MTOR: variants seen among roughly 807,000 people sequenced by gnomAD.
MTOR encodes the protein serine/threonine-protein kinase mTOR.
In MTOR, 70 loss-of-function variants were observed where a neutral mutation model predicts 319.8. The observed-to-expected ratio is 0.22, with a 90% CI of 0.18 to 0.27. MTOR has a LOEUF of 0.27. Among genes scored for constraint, MTOR ranks in the 10% least tolerant of loss-of-function variants. The probability of loss-of-function intolerance (pLI) is 1.00; values close to 1 mark genes in which losing one functional copy is unlikely to be tolerated. For synonymous variants in MTOR, 1,183 were observed against 1,211.4 expected (o/e 0.98, Z 0.49); for missense variants, 1,890 against 3,274.4 (o/e 0.58, Z 10.32).
chr1:11,118,228 A>ATTTTTTTTTTTTTTTTTTTTTTTT (rs771785403), intron 49 of MTOR, among the ~76,000 whole-genome samples: 2 of 120,766 alleles, frequency 1.7e-5, no homozygotes, highest in African/African-American at 8.0e-5. Context: ...AACTTAGTTA[A>ATTTTTTTTTTTTTTTTTTTTTTTT]TTTTTTTTTT....
chr1:11,174,571 C>T (rs557526921), intron 28 of MTOR, among the ~76,000 whole-genome samples: 4 of 152,164 alleles, frequency 2.6e-5, no homozygotes, highest in African/African-American at 9.7e-5. Flanking sequence ...CAGGAGTTCA[C>T]AGCCACTAAG....
At chr1:11,171,624 G>A (rs982266608) in intron 28 of MTOR, among the ~76,000 whole-genome samples, 4 of 152,084 alleles carry the variant, frequency 2.6e-5, no homozygotes, top group East Asian at 1.9e-4. Flanking sequence ...TAGGGACCTC[G>A]AAAGAGAAAC....
intron 30 of MTOR, among the ~76,000 whole-genome samples, chr1:11,153,270 G>A (rs969267872): frequency 1.3e-5 from 2 of 152,108 alleles, no homozygotes; most frequent in Admixed American, 1.3e-4. Context: ...AGAAGAAGAG[G>A]GCAATTCAAA....
At chr1:11,225,716 C>T (rs114797800) in intron 19 of MTOR, among the ~76,000 whole-genome samples, 85 of 152,274 alleles carry the variant, frequency 5.6e-4, no homozygotes, top group African/African-American at 1.9e-3. Flanking sequence ...GCCACCGCAC[C>T]TGGCCGATAG....
At chr1:11,183,831 T>C (rs1013091027) in intron 28 of MTOR, among the ~76,000 whole-genome samples, 9 of 152,248 alleles carry the variant, frequency 5.9e-5, no homozygotes, top group Middle Eastern at 3.4e-3. Context: ...AAAAAAAAAT[T>C]TTCTTCCCCC....
At chr1:11,123,529 C>T (rs1642655220) in intron 47 of MTOR, among the ~76,000 whole-genome samples, 1 of 151,046 alleles carries the variant, frequency 6.6e-6, no homozygotes, top group Admixed American at 6.6e-5. Context: ...AGTGTAGAGG[C>T]ACAACCTTGT....
chr1:11,252,455 T>C (rs767022320), intron 6 of MTOR, among the ~76,000 whole-genome samples: 2 of 152,066 alleles, frequency 1.3e-5, no homozygotes, highest in African/African-American at 4.8e-5. Flanking sequence ...TTGTGAACCA[T>C]GACTAGTTGA....
Position 11,234,271 on chromosome 1 carries a change from G to A in MTOR, c.2209-6C>T, listed in dbSNP as rs2100881998. On this transcript the variant is annotated splice_polypyrimidine_tract_variant and splice_region_variant and intron_variant, in intron 13 of 57. Transcript: ENST00000361445. ...TGCTCCAACTCTGTCAAAATCTGTA[G>A]GGAAGAAAGGCTCATATGTTCTCTA... is the stretch of plus-strand genomic sequence containing the variant. The A allele has an allele frequency of 6.2e-7, 1 of 1,609,116 alleles. No individual in the cohort carries two copies. The highest frequency in any genetic ancestry group is 1.1e-5 in the South Asian group (1 of 90,490).
intron 6 of MTOR, among the ~76,000 whole-genome samples, chr1:11,249,561 T>C (rs1475895530): frequency 4.1e-5 from 6 of 145,430 alleles, no homozygotes; most frequent in Admixed American, 1.4e-4. Flanking sequence ...CAGAGGACCC[T>C]GCGGCCTTCC....
At chr1:11,230,141 C>T (rs2100862688) in intron 18 of MTOR, among the ~76,000 whole-genome samples, 2 of 151,618 alleles carry the variant, frequency 1.3e-5, no homozygotes, top group South Asian at 4.2e-4. Context: ...AAAAAGGCGT[C>T]CAGGCACAGT....
chr1:11,233,765 T>G (rs1226593068), intron 14 of MTOR, among the ~76,000 whole-genome samples: 1 of 152,256 alleles, frequency 6.6e-6, no homozygotes, highest in Admixed American at 6.5e-5. Flanking sequence ...CAGATTAACA[T>G]ACATTATAAA....
At chr1:11,256,552 C>T (rs1650425767) in intron 4 of MTOR, among the ~76,000 whole-genome samples, 5 of 152,092 alleles carry the variant, frequency 3.3e-5, no homozygotes, top group Admixed American at 3.3e-4. Flanking sequence ...AATGTTTAAT[C>T]CTGTTGTTAT....
Position 11,121,704 on chromosome 1 carries a change from T to A in MTOR, c.6810+275A>T, listed in dbSNP as rs1461285843. Among the ~76,000 whole-genome samples the A allele has an allele frequency of 6.6e-6, 1 of 152,350 alleles. No individual in the cohort carries two copies. Among genetic ancestry groups the A allele is most frequent in the African/African-American group, 2.4e-5 (1 of 41,590 alleles). ...ATCTACTAAACATTATTTCTCCATATGGCCAGTGCTTTGTATACATTAGTA... is the reference window on the plus strand; with the variant it reads ...ATCTACTAAACATTATTTCTCCATAAGGCCAGTGCTTTGTATACATTAGTA... On this transcript the variant is annotated intron_variant, in intron 48 of 57. Coordinates refer to ENST00000361445, the MANE Select transcript of MTOR (RefSeq NM_004958.4). The surrounding 1 kb of genome is among the most constrained non-coding windows in gnomAD (Gnocchi z 4.9).
chr1:11,217,904 C>G (rs1354580726), intron 19 of MTOR, among the ~76,000 whole-genome samples: 2 of 152,032 alleles, frequency 1.3e-5, no homozygotes, highest in Non-Finnish European at 2.9e-5. Flanking sequence ...ACTCATTACC[C>G]AAAGAGGCAA....
chr1:11,119,354 C>T (rs1642372680), intron 49 of MTOR, among the ~76,000 whole-genome samples: 1 of 151,334 alleles, frequency 6.6e-6, no homozygotes, highest in Admixed American at 6.6e-5. Flanking sequence ...ATCATGAGGT[C>T]AGGAGATTGA....
chr1:11,243,993 C>A (rs1312967758), intron 8 of MTOR, among the ~76,000 whole-genome samples: 2 of 151,886 alleles, frequency 1.3e-5, no homozygotes, highest in Non-Finnish European at 2.9e-5. Context: ...CCAGCCTGGG[C>A]AACAGAATAA....
At position 11,145,041 on chromosome 1, in the gene MTOR, A is replaced by G. The variant is rs996065636; in HGVS notation, c.4691T>C (p.Ile1564Thr). ...QDLFSLAQQC[I>T]DKARDLLDAE... ...ATCCAGCAGGTCCCTGGCCTTGTCA[A>G]TGCACTAGAAGAGAAACAACCCTTG... The change falls in exon 33 of 58, where the codon ATT becomes ACT. Residue 1564 changes from isoleucine (I) to threonine (T), a missense_variant. Transcript: ENST00000361445. The G allele has an allele frequency of 3.1e-6, 5 of 1,614,158 alleles. No individual in the cohort carries two copies. Among genetic ancestry groups the G allele is most frequent in the Non-Finnish European group, 3.4e-6 (4 of 1,180,016 alleles).
intron 28 of MTOR, among the ~76,000 whole-genome samples, chr1:11,187,883 G>C (rs1009187126): frequency 1.3e-5 from 2 of 152,138 alleles, no homozygotes; most frequent in African/African-American, 4.8e-5. Context: ...TGCTATAAGG[G>C]TATCAGTAAC....
At chr1:11,255,595 A>G (rs868434136) in intron 5 of MTOR, among the ~76,000 whole-genome samples, 28 of 152,224 alleles carry the variant, frequency 1.8e-4, no homozygotes, top group Middle Eastern at 3.4e-3. Context: ...TCATGTCTGT[A>G]ATCCCAGCAC....
Sources: allele counts gnomAD v4.1 joint callset (sites outside exome capture counted in the v4.1 genomes callset), GRCh38; gene constraint gnomAD v4.1.1; non-coding constraint Gnocchi (gnomAD v3.1); transcripts MANE v1.5; gene names NCBI Gene and HGNC (gene_info 2026-07-23, HGNC 2026-07-21).